MAPK8: variants seen among roughly 807,000 people sequenced by gnomAD.
MAPK8 encodes mitogen-activated protein kinase 8.
A neutral mutation model predicts 52.9 loss-of-function variants in MAPK8; 13 were observed. That is an observed-to-expected ratio of 0.25 (90% CI 0.16 to 0.39). The LOEUF is 0.39. Among genes scored for constraint, MAPK8 ranks in the 10% least tolerant of loss-of-function variants. The pLI is 1.00. For synonymous variants in MAPK8, 191 were observed against 169.8 expected, an observed-to-expected ratio of 1.12 and a Z score of -0.97; for missense variants, 300 against 519.2, an observed-to-expected ratio of 0.58 and a Z score of 4.10.
At chr10:48,396,537 G>A (rs575424527) in intron 1 of MAPK8, among the ~76,000 whole-genome samples, 1 of 152,258 alleles carries the variant, frequency 6.6e-6, no homozygotes, top group South Asian at 2.1e-4. Flanking sequence ...CAGTTTGCCA[G>A]TTTCTTATAA....
At chr10:48,368,238 A>G (rs1275437047) in intron 1 of MAPK8, among the ~76,000 whole-genome samples, 1 of 152,198 alleles carries the variant, frequency 6.6e-6, no homozygotes, top group Admixed American at 6.5e-5. Flanking sequence ...TTACCCTTAC[A>G]TGTGTTTTAG....
chr10:48,394,558 C>G (rs911792693), intron 1 of MAPK8, among the ~76,000 whole-genome samples: 1 of 151,846 alleles, frequency 6.6e-6, no homozygotes, highest in Non-Finnish European at 1.5e-5. Context: ...GATAAAAACT[C>G]TCAAACTAGG....
At chr10:48,368,471 A>C (rs1367321940) in intron 1 of MAPK8, among the ~76,000 whole-genome samples, 1 of 152,212 alleles carries the variant, frequency 6.6e-6, no homozygotes, top group African/African-American at 2.4e-5. Context: ...CTTTTAAAGC[A>C]GTTAATTGTG....
At chr10:48,412,901 A>G (rs1441839060) in intron 5 of MAPK8, among the ~76,000 whole-genome samples, 1 of 152,196 alleles carries the variant, frequency 6.6e-6, no homozygotes, top group Non-Finnish European at 1.5e-5. Flanking sequence ...AATTCTTTTC[A>G]TCTTGTGAAG....
intron 3 of MAPK8, among the ~76,000 whole-genome samples, chr10:48,408,470 C>G (rs1480783095): frequency 6.6e-6 from 1 of 152,154 alleles, no homozygotes; most frequent in Middle Eastern, 3.2e-3. Flanking sequence ...AGCATCAAAA[C>G]ATTTTAAAAA....
At chr10:48,418,257 T>C (rs562733270) in intron 5 of MAPK8, among the ~76,000 whole-genome samples, 2 of 152,324 alleles carry the variant, frequency 1.3e-5, no homozygotes, top group East Asian at 3.9e-4. Flanking sequence ...TCCCTGCTGC[T>C]CAACTGCTAA....
At chr10:48,413,815 TTATATATATATATATATA>T (rs59042608) in intron 5 of MAPK8, among the ~76,000 whole-genome samples, 666 of 48,418 alleles carry the variant, frequency 0.014, 42 homozygotes, top group Admixed American at 0.032. Context: ...GCCAGAATTG[TTATATATATATATATATA>T]TATATATATA....
At chr10:48,433,205 T>C (rs1446797414) in intron 11 of MAPK8, among the ~76,000 whole-genome samples, 1 of 152,186 alleles carries the variant, frequency 6.6e-6, no homozygotes, top group Non-Finnish European at 1.5e-5. Flanking sequence ...GTGTGTTTTT[T>C]CCCCTTAGGT....
intron 1 of MAPK8, among the ~76,000 whole-genome samples, chr10:48,371,636 C>T (rs1848535122): frequency 6.6e-6 from 1 of 152,082 alleles, no homozygotes; most frequent in South Asian, 2.1e-4. Flanking sequence ...TTCTCTCCAA[C>T]AGACACCAAC....
intron 5 of MAPK8, among the ~76,000 whole-genome samples, chr10:48,418,446 G>C (rs1420983087): frequency 6.7e-6 from 1 of 148,926 alleles, no homozygotes; most frequent in Non-Finnish European, 1.5e-5. Context: ...TTTGTGGACT[G>C]TGCGTTTACA....
chr10:48,389,425 C>G (rs559700927), intron 1 of MAPK8, among the ~76,000 whole-genome samples: 2 of 152,302 alleles, frequency 1.3e-5, no homozygotes, highest in South Asian at 4.1e-4. Context: ...TCAGCGGATC[C>G]TGTAACATGT....
intron 5 of MAPK8, among the ~76,000 whole-genome samples, chr10:48,411,181 A>G (rs2042727978): frequency 6.6e-6 from 1 of 152,228 alleles, no homozygotes; most frequent in African/African-American, 2.4e-5. Flanking sequence ...ATGTATAAGA[A>G]TCCATTGTCA....
At chr10:48,373,962 A>G (rs547505303) in intron 1 of MAPK8, among the ~76,000 whole-genome samples, 2 of 152,262 alleles carry the variant, frequency 1.3e-5, no homozygotes, top group South Asian at 2.1e-4. Flanking sequence ...TCAGCACCAC[A>G]TCGCACTTAT....
rs10657070 is a variant in MAPK8, at chr10:48,405,106, G to GATAT, written c.252+144_252+147dup. 0.041 allele frequency: 9,667 copies of GATAT among 234,050 alleles called. 150 individuals are homozygous for GATAT. The highest frequency in any genetic ancestry group is 0.064 in the African/African-American group (2,726 of 42,504). The allele number at this position is 234,050 out of a possible 1,614,324, so 14.5% of individuals were successfully genotyped here. ...CTGTATTAAAACATTGTTTAAAAGG[G>GATAT]ATATATATATATATATATATATCTA... On this transcript the variant is annotated intron_variant, in intron 3 of 11. Coordinates refer to ENST00000374189, the MANE Select transcript of MAPK8 (RefSeq NM_001323329.2).
At chr10:48,332,192 C>T (rs951360373) in intron 1 of MAPK8, among the ~76,000 whole-genome samples, 5 of 152,318 alleles carry the variant, frequency 3.3e-5, no homozygotes, top group Middle Eastern at 6.8e-3. Context: ...AGGTGACCTA[C>T]GATCACCAGT....
intron 1 of MAPK8, among the ~76,000 whole-genome samples, chr10:48,374,413 T>C (rs1209272520): frequency 6.6e-6 from 1 of 151,220 alleles, no homozygotes; most frequent in Non-Finnish European, 1.5e-5. Context: ...CTGAAGGAGA[T>C]AGAGACATGA....
intron 1 of MAPK8, among the ~76,000 whole-genome samples, chr10:48,371,829 T>A (rs1848554119): frequency 6.6e-6 from 1 of 152,124 alleles, no homozygotes; most frequent in Non-Finnish European, 1.5e-5. Flanking sequence ...ATCCGCTCCT[T>A]GGGTTCGATT....
rs2043738258 is a variant in MAPK8, at chr10:48,427,199, TG to T, written c.1060+58del. The T allele has an allele frequency of 6.2e-6, 8 of 1,291,938 alleles. No individual in the cohort carries two copies. In the East Asian group the frequency reaches 9.6e-5, roughly 16 times the overall value. 80.0% of individuals were successfully genotyped at this position (1,291,938 alleles called of 1,614,324 possible). ...TGTGAAGGAGCTTCTGGTTTTTATA[TG>T]GTGATTTATTATCATGTTAGAGAAA... On this transcript the variant is annotated intron_variant, in intron 10 of 11. Coordinates refer to ENST00000374189, the MANE Select transcript of MAPK8 (RefSeq NM_001323329.2).
intron 1 of MAPK8, among the ~76,000 whole-genome samples, chr10:48,315,593 A>G (rs980294684): frequency 2.0e-4 from 26 of 129,970 alleles, no homozygotes; most frequent in Non-Finnish European, 3.3e-4. Context: ...GCTGTTTTAT[A>G]TATTTAAGTT....
Sources: gnomAD v4.1 joint callset for allele counts (sites outside exome capture counted in the v4.1 genomes callset) on GRCh38, gnomAD v4.1.1 for gene constraint, MANE v1.5 for transcripts, NCBI Gene and HGNC (gene_info 2026-07-23, HGNC 2026-07-21) for gene names.